CYC1: variants seen among roughly 807,000 people sequenced by gnomAD.
The protein encoded by CYC1 is cytochrome c1.
CYC1 carries 10 observed loss-of-function variants against 33.8 expected under a neutral mutation model. The observed-to-expected ratio is 0.30, with a 90% CI of 0.18 to 0.50. The LOEUF (loss-of-function observed/expected upper bound fraction) is 0.50, where lower values mean the gene tolerates loss of function less well. Among genes scored for constraint, CYC1 ranks in the 20% least tolerant of loss-of-function variants. The pLI is 0.98. For synonymous variants in CYC1, 224 were observed against 181.9 expected, an observed-to-expected ratio of 1.23 and a Z score of -1.86; for missense variants, 459 against 437.6, an observed-to-expected ratio of 1.05 and a Z score of -0.44.
intron 5 of CYC1, 88 bp downstream of exon 5, chr8:144,096,832 G>A: frequency 2.7e-6 from 4 of 1,467,354 alleles, no homozygotes; most frequent in East Asian, 2.3e-5. Flanking sequence ...GGGTCCAGGA[G>A]GTCCTGCCCA....
chr8:144,095,182 TGCTGTGCAG>T lies in CYC1; in HGVS notation c.84_92del (p.Leu29_Ser31del). 1.7e-6 allele frequency: 2 copies of T among 1,208,262 alleles called. No homozygotes were observed. The highest frequency in any genetic ancestry group is 2.1e-6 in the Non-Finnish European group (2 of 972,292). The allele number at this position is 1,208,262 out of a possible 1,614,324, so 74.8% of individuals were successfully genotyped here. On this transcript the variant is annotated inframe_deletion, in exon 1 of 7. Transcript: ENST00000318911. The stretch of plus-strand genomic sequence containing the variant: ...CTCCCGGGCGCGCGTGCCCGGGGTC[TGCTGTGCAG>T]CGCGCGTCCCGGGCAGCTCCCGCTA...
At chr8:144,096,996 G>A in intron 5 of CYC1, 38 bp from the exon 6 acceptor site, 1 of 1,537,694 alleles carries the variant, frequency 6.5e-7, no homozygotes, top group Non-Finnish European at 8.9e-7. Context: ...GGTTGGACAT[G>A]AGCCTGAGAA....
At position 144,096,597 on chromosome 8, in the gene CYC1, G is replaced by C. The variant is rs562084132; in HGVS notation, c.625G>C (p.Asp209His). ...ATCTGGTCCTAGGCATGGTGGTGAG[G>C]ACTACGTCTTCTCCCTGCTCACGGG... ...YIVRARHGGE[D>H]YVFSLLTGYC... Residue 209 changes from aspartate (D) to histidine (H), a missense_variant, in exon 5 of 7, where the codon GAC becomes CAC. Transcript: ENST00000318911. 5.0e-6 allele frequency: 8 copies of C among 1,614,066 alleles called. No homozygotes were observed. Among genetic ancestry groups the C allele is most frequent in the Non-Finnish European group, 5.9e-6 (7 of 1,180,016 alleles).
chr8:144,095,503 G>A (rs1587602581), intron 1 of CYC1: 2 of 450,122 alleles, frequency 4.4e-6, no homozygotes, highest in East Asian at 7.7e-5. Flanking sequence ...CGCCCAGGAC[G>A]GCTCTTGCGG....
In CYC1 at chr8:144,096,545, C is replaced by T. The variant is rs1253141276; in HGVS notation, c.612-39C>T. ...GCTGGAGAGATGGGGGAAGGGCTGACTTGTGCTTGGAACTAAGGAGCCATG... is the reference window on the plus strand; with the variant it reads ...GCTGGAGAGATGGGGGAAGGGCTGATTTGTGCTTGGAACTAAGGAGCCATG... On this transcript the variant is annotated intron_variant, in intron 4 of 6. Transcript: ENST00000318911. The T allele has an allele frequency of 5.0e-6, 8 of 1,613,980 alleles. No individual in the cohort carries two copies. In the South Asian group the frequency reaches 7.7e-5, roughly 16 times the overall value.
intron 5 of CYC1, 113 bp from the exon 6 acceptor site, chr8:144,096,921 G>C: frequency 1.7e-6 from 2 of 1,170,198 alleles, no homozygotes; most frequent in Non-Finnish European, 2.5e-6. Context: ...CCGGTGGAGG[G>C]TACTGCCCCT....
intron 1 of CYC1, 124 bp downstream of exon 1, chr8:144,095,352 T>G: frequency 5.8e-6 from 5 of 857,038 alleles, no homozygotes; most frequent in Non-Finnish European, 6.1e-6. Flanking sequence ...GCGTCCCCGG[T>G]CCCAGCTGCC....
At chr8:144,096,974 G>A (rs999558140) in intron 5 of CYC1, 60 bp from the exon 6 acceptor site, 51 of 1,424,542 alleles carry the variant, frequency 3.6e-5, no homozygotes, top group Non-Finnish European at 6.8e-6. Flanking sequence ...ACAGAGGGGG[G>A]GCATGATCCC....
At chr8:144,095,449 A>AC (rs1836130298) in intron 1 of CYC1, 1 of 421,274 alleles carries the variant, frequency 2.4e-6, no homozygotes, top group African/African-American at 2.1e-5. Flanking sequence ...GGTTGGCGGG[A>AC]CGGGCTAGCT....
At chr8:144,095,649 C>T in intron 1 of CYC1, 184 bp from the exon 2 acceptor site, 2 of 645,512 alleles carry the variant, frequency 3.1e-6, no homozygotes, top group Non-Finnish European at 5.3e-6. Context: ...AACACCCTCT[C>T]CTGAGAGCGA....
rs369289950 is a variant in CYC1 at position 144,097,154 on chromosome 8, A to G, written c.873+20A>G. ...CTCAAGGTAAAAGGGTTGGGAGGCC[A>G]TGGTGGGTATCAGAGAAGGGCTGGG... On this transcript the variant is annotated intron_variant, in intron 6 of 6. Transcript: ENST00000318911. The G allele has an allele frequency of 4.3e-6, 7 of 1,611,662 alleles. No homozygotes were observed. The highest frequency in any genetic ancestry group is 5.9e-6 in the Non-Finnish European group (7 of 1,178,316).
chr8:144,095,926 G>C lies in CYC1; in HGVS notation c.223G>C (p.Ala75Pro). 2 of 1,609,304 alleles carry C rather than the reference G, an allele frequency of 1.2e-6. No individual in the cohort carries two copies. Among genetic ancestry groups the C allele is most frequent in the South Asian group, 2.2e-5 (2 of 91,072 alleles). Residue 75 changes from alanine to proline, a missense_variant, in exon 2 of 7, where the codon GCC (alanine) becomes CCC (proline). By Grantham distance (27) the Ala-to-Pro change is conservative (BLOSUM62 -1). Transcript: ENST00000318911. ...GCTGGCGGCAGGGGGTGCGGGGCTG[G>C]CCATGGCTCTGCATTCGGCTGTGAG... ...GMLAAGGAGL[A>P]MALHSAVSAS...
Position 144,095,144 on chromosome 8 carries a change from G to T in CYC1, c.45G>T (p.Pro15=). The change falls in exon 1 of 7, where the codon CCG becomes CCT. Residue 15 remains proline (P), a synonymous_variant. Coordinates refer to ENST00000318911, the MANE Select transcript of CYC1 (RefSeq NM_001916.5). The part of the protein sequence containing the change: ...AASLRGVVLG[P]RGAGLPGARA... ...CGCTTCGCGGGGTAGTGTTGGGCCC[G>T]CGGGGCGCGGGGCTCCCGGGCGCGC... 1 of 1,210,438 alleles carries T rather than the reference G, an allele frequency of 8.3e-7. No homozygotes were observed. 75.0% of individuals were successfully genotyped at this position (1,210,438 alleles called of 1,614,324 possible).
chr8:144,097,438 A>G lies in CYC1; in HGVS notation c.*102A>G. On this transcript the variant is annotated 3_prime_UTR_variant, in exon 7 of 7. Coordinates refer to ENST00000318911, the MANE Select transcript of CYC1 (RefSeq NM_001916.5). The stretch of plus-strand genomic sequence containing the variant: ...TCAGCTAAGCCTCTCTTCATCTGGA[A>G]GAAGAGGCAAGGGGGCAGGAGACCA... 1 of 912,176 alleles carries G rather than the reference A, an allele frequency of 1.1e-6. No individual in the cohort carries two copies. Among genetic ancestry groups the G allele is most frequent in the Admixed American group, 2.3e-5 (1 of 43,626 alleles). 56.5% of individuals were successfully genotyped at this position (912,176 alleles called of 1,614,324 possible).
chr8:144,097,243 G>A lies in CYC1; in HGVS notation c.885G>A (p.Met295Ile), dbSNP rs1266291299. The stretch of plus-strand genomic sequence containing the variant: ...TTCCTTGTCTGCAGATGTTGATGAT[G>A]ATGGCTCTGCTGGTGCCCCTGGTCT... Reference protein sequence around the residue: ...RKRMGLKMLMMMALLVPLVYT... With the variant: ...RKRMGLKMLMIMALLVPLVYT... The change falls in exon 7 of 7, where the codon ATG becomes ATA. Residue 295 changes from methionine (M) to isoleucine (I), a missense_variant. By Grantham distance (10) the Met-to-Ile change is conservative. Transcript: ENST00000318911. 5 of 1,614,142 alleles carry A rather than the reference G, an allele frequency of 3.1e-6. No homozygotes were observed. The highest frequency in any genetic ancestry group is 4.2e-6 in the Non-Finnish European group (5 of 1,179,996).
rs1139508 is a variant in CYC1, at chr8:144,097,270, C to T, written c.912C>T (p.Tyr304=). The change falls in exon 7 of 7, where the codon TAC becomes TAT. Residue 304 remains tyrosine, a synonymous_variant. Transcript: ENST00000318911. ...TGGCTCTGCTGGTGCCCCTGGTCTA[C>T]ACCATAAAGCGGCACAAGTGGTCAG... is the stretch of plus-strand genomic sequence containing the variant. The part of the protein sequence containing the change: ...MMMALLVPLV[Y]TIKRHKWSVL... The T allele has an allele frequency of 2.5e-6, 4 of 1,614,044 alleles. No homozygotes were observed. The East Asian group carries it at 6.7e-5, about 27-fold the overall frequency.
chr8:144,095,952 T>C lies in CYC1; in HGVS notation c.249T>C (p.Ser83=). ...CCATGGCTCTGCATTCGGCTGTGAG[T>C]GCCAGTGACCTGGAGCTGCACCCCC... ...GLAMALHSAV[S]ASDLELHPPS... Residue 83 remains serine (S), a synonymous_variant, in exon 2 of 7, where the codon AGT becomes AGC. Transcript: ENST00000318911. The C allele has an allele frequency of 6.2e-7, 1 of 1,608,366 alleles. No individual in the cohort carries two copies. Among genetic ancestry groups the C allele is most frequent in the East Asian group, 2.2e-5 (1 of 44,866 alleles).
At position 144,095,968 on chromosome 8, in the gene CYC1, C is replaced by T. The variant is rs1314839788; in HGVS notation, c.265C>T (p.Leu89=). ...HSAVSASDLE[L]HPPSYPWSHR... is the part of the protein sequence containing the mutation. The stretch of plus-strand genomic sequence containing the variant: ...GGCTGTGAGTGCCAGTGACCTGGAG[C>T]TGCACCCCCCCAGCTATCCGTGGTC... The change falls in exon 2 of 7, where the codon CTG becomes TTG. Residue 89 remains leucine (L), a synonymous_variant. Transcript: ENST00000318911. 1.9e-6 allele frequency: 3 copies of T among 1,607,852 alleles called. No individual in the cohort carries two copies. Among genetic ancestry groups the T allele is most frequent in the African/African-American group, 2.7e-5 (2 of 74,870 alleles).
Position 144,095,760 on chromosome 8 carries a change from G to T in CYC1, c.130-73G>T. 3 of 1,524,130 alleles carry T rather than the reference G, an allele frequency of 2.0e-6. No homozygotes were observed. The Admixed American group carries it at 5.7e-5, about 29-fold the overall frequency. 94.4% of individuals were successfully genotyped at this position (1,524,130 alleles called of 1,614,324 possible). A position where few individuals can be genotyped will look rare whatever the true frequency, so the allele number is the denominator to read the frequency against. On this transcript the variant is annotated intron_variant, in intron 1 of 6. Transcript: ENST00000318911. Reference sequence around the variant, plus strand: ...GAGGAGGCCATTGCTGGGTGGAGAGGTGGGCGCTGAGAGTCAGATCCCCAG... The same window carrying T: ...GAGGAGGCCATTGCTGGGTGGAGAGTTGGGCGCTGAGAGTCAGATCCCCAG...
Sources: gnomAD v4.1 joint callset for allele counts on GRCh38, gnomAD v4.1.1 for gene constraint, MANE v1.5 for transcripts, NCBI Gene and HGNC (gene_info 2026-07-23, HGNC 2026-07-21) for gene names.